The following THADA variants were observed in gnomAD, a reference collection of about 807,000 sequenced individuals.
THADA encodes the protein THADA armadillo repeat containing.
Under a neutral mutation model 219.8 loss-of-function variants are expected in THADA, and 213 were observed. The observed-to-expected ratio is 0.97, with a 90% CI of 0.87 to 1.09. The LOEUF is 1.09. Among genes scored for constraint, THADA ranks in the 50% least tolerant of loss-of-function variants. THADA has a pLI of 0.00. For missense variants in THADA, 2,956 were observed against 2,311.3 expected (o/e 1.28, Z -5.72); for synonymous variants, 1,018 against 828.9 (o/e 1.23, Z -3.92).
chr2:43,369,830 A>T (rs897350750), intron 29 of THADA, among the ~76,000 whole-genome samples: 1 of 152,250 alleles, frequency 6.6e-6, no homozygotes, highest in African/African-American at 2.4e-5. Context: ...GAATTTAGTC[A>T]TGAAATTTCT....
chr2:43,575,869 G>C (rs1294975292), intron 10 of THADA, among the ~76,000 whole-genome samples: 2 of 152,148 alleles, frequency 1.3e-5, no homozygotes, highest in Non-Finnish European at 2.9e-5. Flanking sequence ...GGAAAGCCAA[G>C]TGTTGGAGAT....
In THADA at chr2:43,592,043, A is replaced by C; in HGVS notation, c.80T>G (p.Phe27Cys). Residue 27 changes from phenylalanine to cysteine, a missense_variant, in exon 3 of 38, where the codon TTT becomes TGT. Physicochemically the swap from Phe to Cys is radical, Grantham distance 205. Coordinates refer to ENST00000405975, the MANE Select transcript of THADA (RefSeq NM_022065.5). ...CHQDLETLKS[F>C]ADVEGKNLAS... ...TAGATTTTTCCCTTCCACATCAGCA[A>C]AAGCTATATAACATATACAAAAAAA... 1 of 1,553,046 alleles carries C rather than the reference A, an allele frequency of 6.4e-7. No individual in the cohort carries two copies. Among genetic ancestry groups the C allele is most frequent in the Non-Finnish European group, 8.7e-7 (1 of 1,147,728 alleles).
At chr2:43,282,566 C>G (rs1425685929) in intron 35 of THADA, among the ~76,000 whole-genome samples, 1 of 152,066 alleles carries the variant, frequency 6.6e-6, no homozygotes, top group Non-Finnish European at 1.5e-5. Context: ...AAGAGGTACA[C>G]AAAAATATAA....
At position 43,514,665 on chromosome 2, in the gene THADA, TA is replaced by T. The variant is rs532640868; in HGVS notation, c.3375-5886del. Among the ~76,000 whole-genome samples the T allele has an allele frequency of 7.2e-3, 634 of 87,854 alleles. 48 individuals are homozygous for T. The highest frequency in any genetic ancestry group is 0.028 in the African/African-American group (541 of 19,026). 57.6% of individuals were successfully genotyped at this position (87,854 alleles called of 152,430 possible). A position where few individuals can be genotyped will look rare whatever the true frequency, so the allele number is the denominator to read the frequency against. On this transcript the variant is annotated intron_variant, in intron 22 of 37. Transcript: ENST00000405975. ...TATATAATATATATATTGTATATAATAATATATAATATATTATATTATATAT... is the reference window on the plus strand; with the variant it reads ...TATATAATATATATATTGTATATAATATATATAATATATTATATTATATAT...
chr2:43,415,464 G>A (rs1348469032), intron 28 of THADA, among the ~76,000 whole-genome samples: 2 of 152,126 alleles, frequency 1.3e-5, no homozygotes, highest in Non-Finnish European at 2.9e-5. Flanking sequence ...GTAGTAGAAC[G>A]TGCTCCCTTT....
At chr2:43,507,833 C>A (rs917548220) in intron 23 of THADA, among the ~76,000 whole-genome samples, 1 of 152,270 alleles carries the variant, frequency 6.6e-6, no homozygotes, top group South Asian at 2.1e-4. Context: ...ATGAAGGTAA[C>A]AGTCTTAATT....
intron 26 of THADA, among the ~76,000 whole-genome samples, chr2:43,451,617 C>T (rs1179185614): frequency 6.6e-6 from 1 of 152,080 alleles, no homozygotes; most frequent in African/African-American, 2.4e-5. Flanking sequence ...TTTTTTAGAA[C>T]TTCCCACAAA....
chr2:43,452,907 T>C (rs928972775), intron 26 of THADA, among the ~76,000 whole-genome samples: 2 of 152,198 alleles, frequency 1.3e-5, no homozygotes, highest in African/African-American at 4.8e-5. Context: ...AGAATATCCC[T>C]TACTACCCTC....
chr2:43,515,051 T>A lies in THADA; in HGVS notation c.3375-6271A>T, dbSNP rs1283578660. Among the ~76,000 whole-genome samples the A allele has an allele frequency of 3.3e-4, 18 of 54,110 alleles. No individual in the cohort carries two copies. The East Asian group carries it at 3.4e-3, about 10-fold the overall frequency. The allele number at this position is 54,110 out of a possible 152,430, so 35.5% of individuals were successfully genotyped here. A position where few individuals can be genotyped will look rare whatever the true frequency, so the allele number is the denominator to read the frequency against. The stretch of plus-strand genomic sequence containing the variant: ...TATAATATATATAAATATATATATT[T>A]TATATATAATATATTTTATATATAA... On this transcript the variant is annotated intron_variant, in intron 22 of 37. Transcript: ENST00000405975.
At chr2:43,441,710 G>A (rs1260719207) in intron 26 of THADA, among the ~76,000 whole-genome samples, 1 of 152,088 alleles carries the variant, frequency 6.6e-6, no homozygotes, top group East Asian at 1.9e-4. Context: ...GAATTTCATA[G>A]GTTTTGGACT....
At chr2:43,290,271 CG>C (rs1475564127) in intron 34 of THADA, among the ~76,000 whole-genome samples, 1 of 151,236 alleles carries the variant, frequency 6.6e-6, no homozygotes, top group Non-Finnish European at 1.5e-5. Flanking sequence ...CATGTCTGGC[CG>C]TTTTTTTTTT....
At chr2:43,242,622 C>G (rs539083409) in intron 36 of THADA, among the ~76,000 whole-genome samples, 27 of 152,288 alleles carry the variant, frequency 1.8e-4, no homozygotes, top group African/African-American at 6.3e-4. Context: ...TCCCAAGTAG[C>G]TAAGACTATA....
At chr2:43,397,705 G>A (rs747549638) in intron 29 of THADA, among the ~76,000 whole-genome samples, 1 of 151,710 alleles carries the variant, frequency 6.6e-6, no homozygotes, top group African/African-American at 2.4e-5. Flanking sequence ...AGAGAGGTGA[G>A]GCCAAGTGGG....
intron 22 of THADA, among the ~76,000 whole-genome samples, chr2:43,515,143 A>T (rs1450059875): frequency 1.2e-3 from 5 of 4,028 alleles, no homozygotes; most frequent in African/African-American, 6.6e-3. Flanking sequence ...ATAATATATA[A>T]TATATTTTAT....
At chr2:43,470,442 G>T (rs542726576) in intron 26 of THADA, among the ~76,000 whole-genome samples, 4 of 151,970 alleles carry the variant, frequency 2.6e-5, no homozygotes, top group African/African-American at 9.7e-5. Context: ...GAATTATCAA[G>T]TAAACTACGA....
chr2:43,456,634 T>C (rs1683030297), intron 26 of THADA, among the ~76,000 whole-genome samples: 1 of 152,094 alleles, frequency 6.6e-6, no homozygotes, highest in Non-Finnish European at 1.5e-5. Context: ...TAGTGCCTAC[T>C]TAGTGGAATT....
intron 29 of THADA, among the ~76,000 whole-genome samples, chr2:43,395,075 G>A (rs1673863877): frequency 6.6e-6 from 1 of 152,210 alleles, no homozygotes; most frequent in Non-Finnish European, 1.5e-5. Context: ...AGCCAGACCT[G>A]CCAGTAGCAC....
chr2:43,549,151 T>G, intron 20 of THADA, 59 bp downstream of exon 20: 1 of 1,359,208 alleles, frequency 7.4e-7, no homozygotes, highest in South Asian at 1.5e-5. Flanking sequence ...AAAAGGGCAT[T>G]CTGTACATTT....
chr2:43,293,708 T>C (rs992819557), intron 31 of THADA, among the ~76,000 whole-genome samples: 1 of 152,240 alleles, frequency 6.6e-6, no homozygotes, highest in Non-Finnish European at 1.5e-5. Context: ...CTCACTGGCC[T>C]AATGCTACAT....
Sources: allele counts gnomAD v4.1 joint callset (sites outside exome capture counted in the v4.1 genomes callset), GRCh38; gene constraint gnomAD v4.1.1; transcripts MANE v1.5; gene names NCBI Gene and HGNC (gene_info 2026-07-23, HGNC 2026-07-21).